The following SPTB variants were observed in gnomAD, a reference collection of about 807,000 sequenced individuals.
SPTB encodes spectrin beta chain, erythrocytic.
SPTB carries 45 observed loss-of-function variants against 256.2 expected under a neutral mutation model. The observed-to-expected ratio is 0.18, with a 90% CI of 0.14 to 0.23. The LOEUF is 0.23. Among genes scored for constraint, SPTB ranks in the 10% least tolerant of loss-of-function variants. SPTB has a pLI of 1.00. For synonymous variants in SPTB, 1,231 were observed against 1,243.1 expected (o/e 0.99, Z 0.21); for missense variants, 2,715 against 3,040.4 (o/e 0.89, Z 2.52).
At position 64,845,719 on chromosome 14, in the gene SPTB, C is replaced by G. The variant is rs1334940590; in HGVS notation, c.-51-22574G>C. Among the ~76,000 whole-genome samples, 1 of 152,164 alleles carries G rather than the reference C, an allele frequency of 6.6e-6. No individual in the cohort carries two copies. The highest frequency in any genetic ancestry group is 2.4e-5 in the African/African-American group (1 of 41,446). On this transcript the variant is annotated intron_variant, in intron 1 of 35. Coordinates refer to ENST00000644917, the MANE Select transcript of SPTB (RefSeq NM_001355436.2). This position sits in a 1 kb window ranked among gnomAD's most constrained non-coding sequence, Gnocchi z 4.8. The stretch of plus-strand genomic sequence containing the variant: ...TCATGTTTTAGGGATTAGAAGTTTC[C>G]CTGTGTGTTTCCCCAACTTTGTGAA...
At chr14:64,846,511 G>A (rs183680666) in intron 1 of SPTB, among the ~76,000 whole-genome samples, 1 of 152,306 alleles carries the variant, frequency 6.6e-6, no homozygotes, top group African/African-American at 2.4e-5. Flanking sequence ...ATTTGTACCT[G>A]GATGACAGCA....
At chr14:64,872,660 T>A (rs1882598023) in intron 1 of SPTB, among the ~76,000 whole-genome samples, 1 of 152,232 alleles carries the variant, frequency 6.6e-6, no homozygotes, top group African/African-American at 2.4e-5. Flanking sequence ...GTTGGGGGCT[T>A]CCCATTTGGT....
chr14:64,879,783 G>T lies in SPTB; in HGVS notation c.-52+9C>A. On this transcript the variant is annotated intron_variant, in intron 1 of 35. Coordinates refer to ENST00000644917, the MANE Select transcript of SPTB (RefSeq NM_001355436.2). ...GCTCCCTTGGCCGCCGGGCCCTCCT[G>T]GGACTCACCTGCCCTGGGACTGAAG... The T allele has an allele frequency of 6.5e-6, 1 of 153,210 alleles. No individual in the cohort carries two copies. The highest frequency in any genetic ancestry group is 1.9e-4 in the South Asian group (1 of 5,174). The allele number at this position is 153,210 out of a possible 1,614,324, so 9.5% of individuals were successfully genotyped here. A position where few individuals can be genotyped will look rare whatever the true frequency, so the allele number is the denominator to read the frequency against.
At chr14:64,761,213 G>A (rs374930261) in intron 32 of SPTB, among the ~76,000 whole-genome samples, 66 of 152,354 alleles carry the variant, frequency 4.3e-4, no homozygotes, top group African/African-American at 1.4e-3. Context: ...TCCTTTGGGT[G>A]AGAAGGGCTG....
intron 2 of SPTB, among the ~76,000 whole-genome samples, chr14:64,810,705 C>T (rs1434532690): frequency 6.6e-6 from 1 of 151,808 alleles, no homozygotes; most frequent in Non-Finnish European, 1.5e-5. Flanking sequence ...ACAACAACAA[C>T]AAATCAATCA....
chr14:64,804,829 A>G (rs2082951783), intron 3 of SPTB, 110 bp downstream of exon 3: 2 of 1,383,944 alleles, frequency 1.4e-6, no homozygotes, highest in African/African-American at 2.9e-5. Flanking sequence ...CTCCCAAAGG[A>G]GCAGAGAGAA....
Position 64,775,420 on chromosome 14 carries a change from G to GGGC in SPTB, c.4564-20_4564-18dup. On this transcript the variant is annotated splice_polypyrimidine_tract_variant and intron_variant, in intron 22 of 35. Transcript: ENST00000644917. This position sits in a 1 kb window ranked among gnomAD's most constrained non-coding sequence, Gnocchi z 5.0. ...CTGCAGTGTCTGCGGCCAGAAGGAA[G>GGGC]GGCTCGGGGCAGGGCCTTCCCACCA... 2 of 1,608,876 alleles carry GGGC rather than the reference G, an allele frequency of 1.2e-6. No homozygotes were observed. The highest frequency in any genetic ancestry group is 1.7e-6 in the Non-Finnish European group (2 of 1,176,514).
rs1162243657 is a variant in SPTB at position 64,827,702 on chromosome 14, C to T, written c.-51-4557G>A. ...CTCACTAGAATGAGAAGCAATAAGACGTGCAGTGCAGAATACTTACTCTAA... is the reference window on the plus strand; with the variant it reads ...CTCACTAGAATGAGAAGCAATAAGATGTGCAGTGCAGAATACTTACTCTAA... On this transcript the variant is annotated intron_variant, in intron 1 of 35. Coordinates refer to ENST00000644917, the MANE Select transcript of SPTB (RefSeq NM_001355436.2). The surrounding 1 kb of genome is among the most constrained non-coding windows in gnomAD (Gnocchi z 4.6). 1.3e-5 allele frequency among the ~76,000 whole-genome samples: 2 copies of T among 152,180 alleles called. No individual in the cohort carries two copies. The highest frequency in any genetic ancestry group is 2.4e-5 in the African/African-American group (1 of 41,432).
In SPTB at chr14:64,749,816, G is replaced by A. The variant is rs2081916264; in HGVS notation, c.6777-120C>T. 6.7e-7 allele frequency: 1 copy of A among 1,496,212 alleles called. No individual in the cohort carries two copies. The highest frequency in any genetic ancestry group is 1.4e-5 in the African/African-American group (1 of 72,090). 92.7% of individuals were successfully genotyped at this position (1,496,212 alleles called of 1,614,324 possible). ...ATCCAGACCCCTCTCAGGCAGCCCA[G>A]CACTTTCTGAGAGGTCAAAGTCTGG... is the stretch of plus-strand genomic sequence containing the variant. On this transcript the variant is annotated intron_variant, in intron 34 of 35. Coordinates refer to ENST00000644917, the MANE Select transcript of SPTB (RefSeq NM_001355436.2). This position sits in a 1 kb window ranked among gnomAD's most constrained non-coding sequence, Gnocchi z 4.7.
intron 1 of SPTB, among the ~76,000 whole-genome samples, chr14:64,868,179 G>T (rs1179029084): frequency 6.6e-6 from 1 of 152,164 alleles, no homozygotes; most frequent in Non-Finnish European, 1.5e-5. Flanking sequence ...GTGTGGGATG[G>T]GTTAGAAAGG....
chr14:64,842,068 T>A (rs1192858466), intron 1 of SPTB, among the ~76,000 whole-genome samples: 1 of 152,208 alleles, frequency 6.6e-6, no homozygotes, highest in Non-Finnish European at 1.5e-5. Context: ...TTTCTTAAAG[T>A]GGCCTGATTC....
At chr14:64,803,404 G>A (rs191156134) in intron 4 of SPTB, among the ~76,000 whole-genome samples, 1 of 152,300 alleles carries the variant, frequency 6.6e-6, no homozygotes, top group African/African-American at 2.4e-5. Context: ...ACTACTGAGT[G>A]AGCAGCTCCC....
chr14:64,776,686 C>G (rs920158995), intron 22 of SPTB, among the ~76,000 whole-genome samples: 2 of 152,236 alleles, frequency 1.3e-5, no homozygotes, highest in African/African-American at 2.4e-5. Flanking sequence ...AGGCGATCCA[C>G]CCGCTTCGGC....
chr14:64,805,121 C>T (rs777909073), intron 2 of SPTB, 31 bp from the exon 3 acceptor site: 1 of 1,614,016 alleles, frequency 6.2e-7, no homozygotes, highest in Non-Finnish European at 8.5e-7. Flanking sequence ...TGGTGAGGTG[C>T]CTGAGGTTGG....
In SPTB at chr14:64,796,480, G is replaced by A; in HGVS notation, c.1341+77C>T. The A allele has an allele frequency of 6.2e-7, 1 of 1,600,334 alleles. No individual in the cohort carries two copies. Among genetic ancestry groups the A allele is most frequent in the Non-Finnish European group, 8.5e-7 (1 of 1,170,554 alleles). The stretch of plus-strand genomic sequence containing the variant: ...AGGAGAGGCTGTGAGAAGCCAGCTT[G>A]GACTCCAGCCCAGCCAAGAGCTGGG... On this transcript the variant is annotated intron_variant, in intron 11 of 35. Coordinates refer to ENST00000644917, the MANE Select transcript of SPTB (RefSeq NM_001355436.2). The surrounding 1 kb of genome is among the most constrained non-coding windows in gnomAD (Gnocchi z 4.1).
Position 64,764,489 on chromosome 14 carries a change from G to A in SPTB, c.6345+2237C>T, listed in dbSNP as rs929179841. Reference sequence around the variant, plus strand: ...GTCTTCCCATCTGCTGGAGTGGCTGGCTCTCCGGAAAGGGTCTCAAATGTG... The same window carrying A: ...GTCTTCCCATCTGCTGGAGTGGCTGACTCTCCGGAAAGGGTCTCAAATGTG... On this transcript the variant is annotated intron_variant, in intron 32 of 35. Transcript: ENST00000644917. This position sits in a 1 kb window ranked among gnomAD's most constrained non-coding sequence, Gnocchi z 4.2. Among the ~76,000 whole-genome samples, 1 of 152,202 alleles carries A rather than the reference G, an allele frequency of 6.6e-6. No individual in the cohort carries two copies. The highest frequency in any genetic ancestry group is 2.4e-5 in the African/African-American group (1 of 41,448).
chr14:64,794,717 C>T (rs1329986516), intron 12 of SPTB, 100 bp from the exon 13 acceptor site: 3 of 1,499,268 alleles, frequency 2.0e-6, no homozygotes, highest in Non-Finnish European at 2.8e-6. Context: ...GTAATCTGAG[C>T]AAGGGTGAGC....
Position 64,793,577 on chromosome 14 carries a change from T to C in SPTB, c.2086A>G (p.Ile696Val), listed in dbSNP as rs1392664372. The C allele has an allele frequency of 9.9e-6, 16 of 1,614,042 alleles. No homozygotes were observed. Among genetic ancestry groups the C allele is most frequent in the Non-Finnish European group, 1.4e-5 (16 of 1,180,006 alleles). The part of the protein sequence containing the change: ...LRGLDAHLEQ[I>V]FQEAHGMVAR... ...ACCATGCCATGAGCCTCCTGGAAGA[T>C]CTGCTCCAGGTGAGCATCCAGCCCA... Residue 696 changes from isoleucine to valine, a missense_variant, in exon 14 of 36, where the codon ATC (isoleucine) becomes GTC (valine). Around this residue, in one of 4 missense-constraint regions of SPTB, gnomAD observed 2,239 missense variants for 2,384.4 expected, o/e 0.94. Transcript: ENST00000644917. The surrounding 1 kb of genome is among the most constrained non-coding windows in gnomAD (Gnocchi z 7.0).
Position 64,797,754 on chromosome 14 carries a change from C to G in SPTB, c.1157G>C (p.Gly386Ala), listed in dbSNP as rs761256991. ...NNQKVYTPHD[G>A]KLVSDINRAW... ...CCTGTTGATGTCAGACACTAGTTTC[C>G]CATCGTGGGGTGTGTACACTTTCTG... is the stretch of plus-strand genomic sequence containing the variant. Residue 386 changes from glycine to alanine, a missense_variant, in exon 10 of 36, where the codon GGG (glycine) becomes GCG (alanine). Gly to Ala is a moderately conservative substitution (Grantham distance 60). This residue lies in a region of SPTB where 416 missense variants were observed against 571.1 expected (regional missense o/e 0.73). Transcript: ENST00000644917. The G allele has an allele frequency of 2.4e-5, 38 of 1,613,726 alleles. No individual in the cohort carries two copies. Among genetic ancestry groups the G allele is most frequent in the Non-Finnish European group, 3.1e-5 (37 of 1,179,788 alleles).
Sources: gnomAD v4.1 joint callset for allele counts (sites outside exome capture counted in the v4.1 genomes callset) on GRCh38, gnomAD v4.1.1 for gene constraint, gnomAD v4.1.1 regional missense constraint, Gnocchi (gnomAD v3.1) non-coding constraint, MANE v1.5 for transcripts, NCBI Gene and HGNC (gene_info 2026-07-23, HGNC 2026-07-21) for gene names.